Variants in CNTN5 observed in about 807,000 individuals in gnomAD.
CNTN5 encodes contactin-5.
A neutral mutation model predicts 129.1 loss-of-function variants in CNTN5; 77 were observed. That is an observed-to-expected ratio of 0.60 (90% CI 0.50 to 0.72). The LOEUF (loss-of-function observed/expected upper bound fraction) is 0.72. Among genes scored for constraint, CNTN5 ranks in the 30% least tolerant of loss-of-function variants. The probability of loss-of-function intolerance (pLI) is 0.00; values close to 1 mark genes in which losing one functional copy is unlikely to be tolerated. For missense variants in CNTN5, 1,478 were observed against 1,328.8 expected (o/e 1.11, Z -1.75); for synonymous variants, 509 against 465.6 (o/e 1.09, Z -1.20).
At chr11:99,628,499 A>C (rs1951212210) in intron 3 of CNTN5, among the ~76,000 whole-genome samples, 3 of 151,988 alleles carry the variant, frequency 2.0e-5, no homozygotes, top group Admixed American at 1.3e-4. Flanking sequence ...AGTTGGCTGC[A>C]ATGTACCGTG....
intron 21 of CNTN5, among the ~76,000 whole-genome samples, chr11:100,323,444 T>C (rs1236965265): frequency 1.3e-5 from 2 of 152,248 alleles, no homozygotes; most frequent in African/African-American, 2.4e-5. Flanking sequence ...ATTCTTACTG[T>C]TGCAGTTTCA....
intron 1 of CNTN5, among the ~76,000 whole-genome samples, chr11:99,322,773 T>C (rs17133399): frequency 0.098 from 14,925 of 152,140 alleles, 1,590 homozygotes; most frequent in East Asian, 0.46. Flanking sequence ...CTGATGATGA[T>C]TTGAAATAGA....
chr11:99,634,939 G>A (rs11220752), intron 3 of CNTN5, among the ~76,000 whole-genome samples: 9,743 of 152,136 alleles, frequency 0.064, 426 homozygotes, highest in Non-Finnish European at 0.093. Context: ...TGTAATTAAC[G>A]TAAGGTTTGC....
chr11:100,168,670 C>T (rs1369373441), intron 13 of CNTN5, among the ~76,000 whole-genome samples: 1 of 151,946 alleles, frequency 6.6e-6, no homozygotes, highest in Non-Finnish European at 1.5e-5. Flanking sequence ...ATGTGTTTTT[C>T]ATGTCTGCTA....
At position 99,051,392 on chromosome 11, in the gene CNTN5, C is replaced by T. The variant is rs369074878; in HGVS notation, c.-210+30122C>T. The stretch of plus-strand genomic sequence containing the variant: ...CCTGCTTAATTTTCATTATCTATAA[C>T]GACTGCAGCCAATGGTGCTTATGTC... On this transcript the variant is annotated intron_variant, in intron 1 of 24. Coordinates refer to ENST00000524871, the MANE Select transcript of CNTN5 (RefSeq NM_014361.4). 7.2e-5 allele frequency among the ~76,000 whole-genome samples: 11 copies of T among 151,974 alleles called. No homozygotes were observed. In the East Asian group the frequency reaches 1.2e-3, roughly 16 times the overall value.
At chr11:100,121,467 G>A (rs1159214126) in intron 13 of CNTN5, among the ~76,000 whole-genome samples, 1 of 151,896 alleles carries the variant, frequency 6.6e-6, no homozygotes, top group Admixed American at 6.6e-5. Context: ...TTCAGCCTGT[G>A]CTTTGGGAGA....
intron 21 of CNTN5, among the ~76,000 whole-genome samples, chr11:100,326,682 T>TAATTAGGTAG (rs1951793987): frequency 6.6e-6 from 1 of 152,150 alleles, no homozygotes; most frequent in Admixed American, 6.6e-5. Flanking sequence ...CATAAAGCAA[T>TAATTAGGTAG]CATGAATAAA....
intron 2 of CNTN5, among the ~76,000 whole-genome samples, chr11:99,482,109 T>C (rs1254070043): frequency 6.6e-6 from 1 of 152,092 alleles, no homozygotes; most frequent in Non-Finnish European, 1.5e-5. Flanking sequence ...GGAATAAAAA[T>C]TCAATAAAAA....
chr11:99,905,043 C>T (rs984973892), intron 6 of CNTN5, among the ~76,000 whole-genome samples: 1 of 152,094 alleles, frequency 6.6e-6, no homozygotes, highest in Non-Finnish European at 1.5e-5. Flanking sequence ...TTGATGTTGG[C>T]CCTTTATCAG....
rs140202352 is a variant in CNTN5, at chr11:99,457,054, G to T, written c.-70-99091G>T. ...TAAACTCTAATCAATTATGAATTAAGAAATTTTCTGCAGGTTTCCAAAGTT... is the reference window on the plus strand; with the variant it reads ...TAAACTCTAATCAATTATGAATTAATAAATTTTCTGCAGGTTTCCAAAGTT... On this transcript the variant is annotated intron_variant, in intron 2 of 24. Transcript: ENST00000524871. 1.3e-3 allele frequency among the ~76,000 whole-genome samples: 197 copies of T among 152,050 alleles called. 3 individuals carry two copies. In the East Asian group the frequency reaches 0.015, roughly 12 times the overall value.
At chr11:99,144,044 A>G (rs79708681) in intron 1 of CNTN5, among the ~76,000 whole-genome samples, 9,406 of 152,250 alleles carry the variant, frequency 0.062, 784 homozygotes, top group East Asian at 0.34. Flanking sequence ...CATAATGAAT[A>G]TACATTTTAT....
At chr11:99,287,062 A>G (rs548359111) in intron 1 of CNTN5, among the ~76,000 whole-genome samples, 1 of 152,302 alleles carries the variant, frequency 6.6e-6, no homozygotes, top group Non-Finnish European at 1.5e-5. Flanking sequence ...GGGAAACATG[A>G]TAACTGCCTT....
intron 2 of CNTN5, among the ~76,000 whole-genome samples, chr11:99,541,871 C>A (rs1213748017): frequency 6.8e-6 from 1 of 147,426 alleles, no homozygotes; most frequent in Non-Finnish European, 1.5e-5. Context: ...AGAGCTTGAA[C>A]CTAGGAGATT....
Position 99,987,524 on chromosome 11 carries a change from AATATAT to A in CNTN5, c.878-14496_878-14491del, listed in dbSNP as rs10674388. Among the ~76,000 whole-genome samples, 19 of 141,344 alleles carry A rather than the reference AATATAT, an allele frequency of 1.3e-4. 1 individual carries two copies. Among genetic ancestry groups the A allele is most frequent in the African/African-American group, 3.3e-4 (13 of 39,510 alleles). The allele number at this position is 141,344 out of a possible 152,430, so 92.7% of individuals were successfully genotyped here. A position where few individuals can be genotyped will look rare whatever the true frequency, so the allele number is the denominator to read the frequency against. On this transcript the variant is annotated intron_variant, in intron 8 of 24. Coordinates refer to ENST00000524871, the MANE Select transcript of CNTN5 (RefSeq NM_014361.4). ...TATATACTTGCATTATGTATTTATG[AATATAT>A]ATATATATATATACACATACACACA...
intron 3 of CNTN5, among the ~76,000 whole-genome samples, chr11:99,816,866 G>C (rs955707659): frequency 2.6e-5 from 4 of 152,094 alleles, no homozygotes; most frequent in Non-Finnish European, 4.4e-5. Flanking sequence ...AGGCCATGGT[G>C]CCTTTACTTT....
intron 6 of CNTN5, among the ~76,000 whole-genome samples, chr11:99,849,170 C>T (rs1027488624): frequency 1.3e-5 from 2 of 151,324 alleles, no homozygotes; most frequent in South Asian, 4.2e-4. Context: ...ATCAAATTAT[C>T]CATATACTAA....
chr11:100,067,476 ATTTT>A (rs200903304), intron 10 of CNTN5, among the ~76,000 whole-genome samples: 3 of 147,562 alleles, frequency 2.0e-5, no homozygotes, highest in Non-Finnish European at 4.5e-5. Context: ...CCATTTCAGG[ATTTT>A]TTTTTTTTTT....
intron 8 of CNTN5, among the ~76,000 whole-genome samples, chr11:99,993,225 T>C (rs923804956): frequency 6.6e-6 from 1 of 152,184 alleles, no homozygotes; most frequent in African/African-American, 2.4e-5. Flanking sequence ...TGGACTATTA[T>C]ACTCTGTGAT....
intron 1 of CNTN5, among the ~76,000 whole-genome samples, chr11:99,254,819 AT>A (rs1862295503): frequency 6.6e-6 from 1 of 152,034 alleles, no homozygotes; most frequent in African/African-American, 2.4e-5. Context: ...TTACCCCAAT[AT>A]TAACAAAGAG....
Sources: gnomAD v4.1 joint callset for allele counts (sites outside exome capture counted in the v4.1 genomes callset) on GRCh38, gnomAD v4.1.1 for gene constraint, MANE v1.5 for transcripts, NCBI Gene and HGNC (gene_info 2026-07-23, HGNC 2026-07-21) for gene names.